The following GRM8 variants were observed in gnomAD, a reference collection of about 807,000 sequenced individuals.
GRM8 encodes the protein glutamate metabotropic receptor 8.
A neutral mutation model predicts 87.2 loss-of-function variants in GRM8; 47 were observed. The observed-to-expected ratio is 0.54, with a 90% CI of 0.43 to 0.69. GRM8 has a LOEUF of 0.69. Ranked by LOEUF, GRM8 falls within the 30% of genes least tolerant of loss-of-function variation. The pLI, the probability that GRM8 is intolerant of heterozygous loss-of-function variation, is 0.00. For synonymous variants in GRM8, 396 were observed against 404.5 expected (o/e 0.98, Z 0.25); for missense variants, 1,019 against 1,139.2 (o/e 0.89, Z 1.52).
At chr7:126,792,158 G>A (rs181509854) in intron 6 of GRM8, among the ~76,000 whole-genome samples, 120 of 152,296 alleles carry the variant, frequency 7.9e-4, no homozygotes, top group African/African-American at 2.8e-3. Flanking sequence ...GTCAGCAAGA[G>A]GATCTGAGCT....
rs116983614 is a variant in GRM8 at position 126,442,145 on chromosome 7, C to A, written c.2678-2977G>T. On this transcript the variant is annotated intron_variant, in intron 10 of 10. Coordinates refer to ENST00000339582, the MANE Select transcript of GRM8 (RefSeq NM_000845.3). ...GTAGTCTGGAAGAACCAATATAGAA[C>A]CAGCCTCCCTCCCTCCTTTCCTCCC... Among the ~76,000 whole-genome samples, 41 of 152,038 alleles carry A rather than the reference C, an allele frequency of 2.7e-4. No homozygotes were observed. The East Asian group carries it at 8.0e-3, about 30-fold the overall frequency.
At chr7:126,990,393 G>T (rs1328082411) in intron 3 of GRM8, among the ~76,000 whole-genome samples, 3 of 150,742 alleles carry the variant, frequency 2.0e-5, no homozygotes, top group Non-Finnish European at 2.9e-5. Context: ...ATCATGTCCT[G>T]AACATACAAT....
chr7:126,985,098 C>T (rs566056723), intron 3 of GRM8, among the ~76,000 whole-genome samples: 39 of 152,216 alleles, frequency 2.6e-4, no homozygotes, highest in Middle Eastern at 6.8e-3. Flanking sequence ...CTTATTGACA[C>T]AAATGAGAGT....
intron 2 of GRM8, among the ~76,000 whole-genome samples, chr7:127,151,703 T>A (rs1828869419): frequency 6.6e-6 from 1 of 152,108 alleles, no homozygotes. Context: ...AACCTGTGTA[T>A]TTACAGAGAA....
At chr7:126,988,449 A>C (rs939025203) in intron 3 of GRM8, among the ~76,000 whole-genome samples, 2 of 152,238 alleles carry the variant, frequency 1.3e-5, no homozygotes, top group African/African-American at 2.4e-5. Context: ...TTAGTTATAA[A>C]AGTCCTACTA....
chr7:127,002,457 T>C (rs1813826754), intron 3 of GRM8, among the ~76,000 whole-genome samples: 1 of 151,708 alleles, frequency 6.6e-6, no homozygotes, highest in African/African-American at 2.4e-5. Flanking sequence ...TATCCCAGAT[T>C]AAACAAGTTT....
intron 7 of GRM8, among the ~76,000 whole-genome samples, chr7:126,621,962 G>T (rs1423872360): frequency 6.6e-6 from 1 of 152,030 alleles, no homozygotes; most frequent in Non-Finnish European, 1.5e-5. Context: ...TCCTAGACAT[G>T]TTCTATGATC....
At position 127,106,661 on chromosome 7, in the gene GRM8, T is replaced by A; in HGVS notation, c.562A>T (p.Arg188Trp). ...ACCACTCGAGAGAAAAAGTCATACCTGGTGTTATCACTTAGCTCTGGGGCT... is the reference window on the plus strand; with the variant it reads ...ACCACTCGAGAGAAAAAGTCATACCAGGTGTTATCACTTAGCTCTGGGGCT... ...STAPELSDNT[R>W]YDFFSRVVPP... The change falls in exon 3 of 11, where the codon AGG becomes TGG. Residue 188 changes from arginine to tryptophan, a missense_variant. Physicochemically the swap from Arg to Trp is moderately radical, Grantham distance 101. Coordinates refer to ENST00000339582, the MANE Select transcript of GRM8 (RefSeq NM_000845.3). 1 of 1,613,926 alleles carries A rather than the reference T, an allele frequency of 6.2e-7. No individual in the cohort carries two copies.
At chr7:127,034,388 A>T (rs1195941453) in intron 3 of GRM8, among the ~76,000 whole-genome samples, 1 of 152,208 alleles carries the variant, frequency 6.6e-6, no homozygotes, top group African/African-American at 2.4e-5. Flanking sequence ...GACTACAGAC[A>T]GTAAGATAAA....
chr7:126,997,897 T>G (rs1480167467), intron 3 of GRM8, among the ~76,000 whole-genome samples: 1 of 151,728 alleles, frequency 6.6e-6, no homozygotes, highest in East Asian at 1.9e-4. Flanking sequence ...ATTTCAAAAA[T>G]GGAGGAATAA....
chr7:126,653,531 G>A (rs1804171425), intron 7 of GRM8, among the ~76,000 whole-genome samples: 1 of 152,144 alleles, frequency 6.6e-6, no homozygotes, highest in Non-Finnish European at 1.5e-5. Flanking sequence ...TACATTGATT[G>A]TATAGACAAG....
intron 9 of GRM8, chr7:126,465,317 A>T (rs1256268591): frequency 1.3e-5 from 2 of 149,260 alleles, no homozygotes; most frequent in Non-Finnish European, 3.0e-5. Flanking sequence ...ATTCCATAAA[A>T]ATTTTAGAGT....
chr7:126,762,849 G>A (rs920488293), intron 7 of GRM8, among the ~76,000 whole-genome samples: 6 of 151,582 alleles, frequency 4.0e-5, no homozygotes, highest in Admixed American at 1.3e-4. Context: ...CCAAGCAAAT[G>A]ATCTCCAAAA....
At chr7:127,083,877 T>C (rs1456222702) in intron 3 of GRM8, among the ~76,000 whole-genome samples, 1 of 152,144 alleles carries the variant, frequency 6.6e-6, no homozygotes, top group Non-Finnish European at 1.5e-5. Context: ...TACCAACCAC[T>C]GTAAGTAACA....
At chr7:127,158,575 C>G (rs866953471) in intron 2 of GRM8, among the ~76,000 whole-genome samples, 4 of 152,206 alleles carry the variant, frequency 2.6e-5, no homozygotes, top group Non-Finnish European at 1.5e-5. Context: ...CTCGTGAGGG[C>G]TTGATTGTGC....
At chr7:127,027,184 A>G (rs1441352153) in intron 3 of GRM8, among the ~76,000 whole-genome samples, 3 of 152,086 alleles carry the variant, frequency 2.0e-5, no homozygotes, top group South Asian at 4.1e-4. Context: ...GTTCTGTCCC[A>G]TTGGTCTATA....
At chr7:126,537,208 A>G (rs1296491840) in intron 8 of GRM8, among the ~76,000 whole-genome samples, 1 of 152,214 alleles carries the variant, frequency 6.6e-6, no homozygotes. Flanking sequence ...TATGTGTAAC[A>G]TTTTTATTAT....
intron 2 of GRM8, among the ~76,000 whole-genome samples, chr7:127,162,512 T>A (rs1032061259): frequency 6.6e-6 from 1 of 152,214 alleles, no homozygotes; most frequent in Admixed American, 6.5e-5. Context: ...AATGGTTGCC[T>A]GGGTAACCAA....
chr7:126,723,534 T>C (rs1812655304), intron 7 of GRM8, among the ~76,000 whole-genome samples: 1 of 147,778 alleles, frequency 6.8e-6, no homozygotes, highest in Admixed American at 6.8e-5. Context: ...AATTTGTAAT[T>C]ATTAATGCTC....
Sources: gnomAD v4.1 joint callset for allele counts (sites outside exome capture counted in the v4.1 genomes callset) on GRCh38, gnomAD v4.1.1 for gene constraint, MANE v1.5 for transcripts, NCBI Gene and HGNC (gene_info 2026-07-23, HGNC 2026-07-21) for gene names.